Variants in FBXL17 observed in about 807,000 individuals in gnomAD.
FBXL17 encodes F-box and leucine rich repeat protein 17.
Under a neutral mutation model 66.2 loss-of-function variants are expected in FBXL17, and 22 were observed. The ratio of observed to expected loss-of-function variants is 0.33; its 90% CI spans 0.24 to 0.47. The LOEUF is 0.47. FBXL17 is among the 20% of genes least tolerant of loss of function. The pLI, the probability that FBXL17 is intolerant of heterozygous loss-of-function variation, is 1.00. For missense variants in FBXL17, 878 were observed against 948.2 expected (o/e 0.93, Z 0.97); for synonymous variants, 474 against 400.5 (o/e 1.18, Z -2.19).
intron 4 of FBXL17, among the ~76,000 whole-genome samples, chr5:108,302,733 C>T (rs892264686): frequency 1.3e-5 from 2 of 151,668 alleles, no homozygotes; most frequent in Non-Finnish European, 3.0e-5. Flanking sequence ...TATGTATACA[C>T]TAATAGTTTT....
At chr5:108,027,750 T>C (rs1754884311) in intron 6 of FBXL17, among the ~76,000 whole-genome samples, 1 of 152,100 alleles carries the variant, frequency 6.6e-6, no homozygotes, top group East Asian at 1.9e-4. Context: ...CAGCATTTCC[T>C]TTAGTCCTGT....
chr5:107,874,762 C>G (rs1748563983), intron 8 of FBXL17, among the ~76,000 whole-genome samples: 1 of 152,162 alleles, frequency 6.6e-6, no homozygotes, highest in Non-Finnish European at 1.5e-5. Context: ...TGAAAGGTAA[C>G]CTCTGAATTT....
chr5:108,331,793 A>G (rs1018286573), intron 4 of FBXL17, among the ~76,000 whole-genome samples: 6 of 152,206 alleles, frequency 3.9e-5, no homozygotes, highest in African/African-American at 1.4e-4. Context: ...ATCAAGTCAC[A>G]GGAATTGCTA....
At chr5:108,350,763 G>C (rs754768595) in intron 3 of FBXL17, among the ~76,000 whole-genome samples, 3 of 152,182 alleles carry the variant, frequency 2.0e-5, no homozygotes, top group Non-Finnish European at 4.4e-5. Context: ...AGCAGAATTA[G>C]AGATGTTTTC....
chr5:108,170,142 GA>G lies in FBXL17; in HGVS notation c.1745+15974del, dbSNP rs944978175. Among the ~76,000 whole-genome samples, 191 of 151,730 alleles carry G rather than the reference GA, an allele frequency of 1.3e-3. No homozygotes were observed. The Middle Eastern group carries it at 0.014, about 11-fold the overall frequency. ...TTAAAATCATTGGTAATTTATTAAT[GA>G]AAAAAAATTATATCAACACCAAAAA... On this transcript the variant is annotated intron_variant, in intron 6 of 8. Coordinates refer to ENST00000542267, the MANE Select transcript of FBXL17 (RefSeq NM_001163315.3).
At chr5:107,904,601 G>A (rs921624258) in intron 7 of FBXL17, among the ~76,000 whole-genome samples, 3 of 152,102 alleles carry the variant, frequency 2.0e-5, no homozygotes, top group African/African-American at 7.2e-5. Context: ...GGGGCCTAGA[G>A]CAAAAGCACA....
At chr5:107,926,173 T>C (rs1050600996) in intron 7 of FBXL17, among the ~76,000 whole-genome samples, 1 of 152,196 alleles carries the variant, frequency 6.6e-6, no homozygotes, top group Non-Finnish European at 1.5e-5. Flanking sequence ...CTAAATATGT[T>C]GCATAAATCC....
At chr5:108,369,749 C>T (rs938542864) in intron 1 of FBXL17, among the ~76,000 whole-genome samples, 10 of 151,890 alleles carry the variant, frequency 6.6e-5, no homozygotes, top group African/African-American at 2.4e-4. Context: ...CAACAAATAC[C>T]ATGTGTGGGC....
chr5:108,218,007 AT>A (rs1193613248), intron 5 of FBXL17, among the ~76,000 whole-genome samples: 17 of 136,592 alleles, frequency 1.2e-4, no homozygotes, highest in South Asian at 4.6e-4. Context: ...ATATTTTCTA[AT>A]TTTTTTTCTT....
intron 4 of FBXL17, among the ~76,000 whole-genome samples, chr5:108,290,268 T>C (rs569914551): frequency 6.6e-6 from 1 of 152,228 alleles, no homozygotes; most frequent in African/African-American, 2.4e-5. Context: ...AGGCACACAA[T>C]ACTGGGCGTG....
intron 4 of FBXL17, among the ~76,000 whole-genome samples, chr5:108,263,781 C>G (rs1483070263): frequency 6.6e-6 from 1 of 152,160 alleles, no homozygotes; most frequent in East Asian, 1.9e-4. Context: ...CATAGAATTG[C>G]TGCATTTCAA....
chr5:108,252,354 T>C (rs892320827), intron 4 of FBXL17, among the ~76,000 whole-genome samples: 3 of 152,066 alleles, frequency 2.0e-5, no homozygotes, highest in Non-Finnish European at 4.4e-5. Context: ...AACATACCAA[T>C]GCATGATTGA....
intron 7 of FBXL17, among the ~76,000 whole-genome samples, chr5:107,948,906 C>A (rs1349112111): frequency 6.6e-6 from 1 of 152,164 alleles, no homozygotes; most frequent in African/African-American, 2.4e-5. Flanking sequence ...ACAGACAGAG[C>A]ATTCGCTCTG....
At chr5:108,376,124 TCCTC>T (rs1232026497) in intron 1 of FBXL17, among the ~76,000 whole-genome samples, 1 of 151,894 alleles carries the variant, frequency 6.6e-6, no homozygotes, top group Non-Finnish European at 1.5e-5. Flanking sequence ...AAAGAACACT[TCCTC>T]AACCTGAGAA....
intron 6 of FBXL17, among the ~76,000 whole-genome samples, chr5:108,167,779 A>G (rs1752464779): frequency 6.6e-6 from 1 of 152,206 alleles, no homozygotes; most frequent in South Asian, 2.1e-4. Flanking sequence ...AGTGAAGAAG[A>G]TCCATATTAA....
chr5:108,127,593 C>T (rs930189509), intron 6 of FBXL17, among the ~76,000 whole-genome samples: 1 of 151,856 alleles, frequency 6.6e-6, no homozygotes, highest in Non-Finnish European at 1.5e-5. Flanking sequence ...GTGCTTAGGA[C>T]ATGGAAGGAG....
chr5:108,150,725 T>C (rs1056369341), intron 6 of FBXL17, among the ~76,000 whole-genome samples: 2 of 152,200 alleles, frequency 1.3e-5, no homozygotes, highest in African/African-American at 4.8e-5. Flanking sequence ...GCAAGAATAC[T>C]GTAAGAGGTG....
intron 4 of FBXL17, chr5:108,302,056 T>C (rs1470862779): frequency 2.0e-6 from 2 of 984,396 alleles, no homozygotes; most frequent in African/African-American, 3.5e-5. Context: ...CCATCATATG[T>C]CTTTCTGAAA....
At chr5:108,145,705 G>C (rs1014500646) in intron 6 of FBXL17, among the ~76,000 whole-genome samples, 1 of 152,016 alleles carries the variant, frequency 6.6e-6, no homozygotes, top group African/African-American at 2.4e-5. Flanking sequence ...GTTTTGAAGA[G>C]TTATTTGAAA....
Sources: allele counts gnomAD v4.1 joint callset (sites outside exome capture counted in the v4.1 genomes callset), GRCh38; gene constraint gnomAD v4.1.1; transcripts MANE v1.5; gene names NCBI Gene and HGNC (gene_info 2026-07-23, HGNC 2026-07-21).